Variants in CASK observed in about 807,000 individuals in gnomAD.
CASK encodes calcium/calmodulin dependent serine protein kinase.
A neutral mutation model predicts 82.9 loss-of-function variants in CASK; 4 were observed. The ratio of observed to expected loss-of-function variants is 0.05; its 90% CI spans 0.02 to 0.11. The LOEUF (loss-of-function observed/expected upper bound fraction) is 0.11. CASK is among the 10% of genes least tolerant of loss of function. CASK has a pLI of 1.00. For missense variants in CASK, 358 were observed against 720.9 expected, an observed-to-expected ratio of 0.50 and a Z score of 5.76; for synonymous variants, 259 against 253.5, an observed-to-expected ratio of 1.02 and a Z score of -0.20.
chrX:41,866,718 T>C (rs561519867), intron 1 of CASK, among the ~76,000 whole-genome samples: 19 of 111,914 alleles, frequency 1.7e-4, no homozygotes, highest in African/African-American at 5.5e-4. Context: ...GTCCAGTCTA[T>C]TTAAAATGAG....
chrX:41,570,010 CTTTTTTTTTT>C (rs397937722), intron 15 of CASK, among the ~76,000 whole-genome samples: 1 of 70,627 alleles, frequency 1.4e-5, no homozygotes, highest in East Asian at 5.1e-4. Flanking sequence ...TTTCTTTTTT[CTTTTTTTTTT>C]TTTTTTTTTT....
At chrX:41,531,739 T>C (rs1280421803) in intron 24 of CASK, among the ~76,000 whole-genome samples, 1 of 112,031 alleles carries the variant, frequency 8.9e-6, no homozygotes, top group Non-Finnish European at 1.9e-5. Flanking sequence ...GTACTGTCAT[T>C]GTCACAGAAA....
chrX:41,781,963 A>G (rs2069486520), intron 3 of CASK, among the ~76,000 whole-genome samples: 1 of 111,998 alleles, frequency 8.9e-6, no homozygotes, highest in Admixed American at 9.6e-5. Flanking sequence ...TAATAAAACA[A>G]TTCTAAATTC....
At position 41,910,221 on chromosome X, in the gene CASK, C is replaced by CA. The variant is rs770517608; in HGVS notation, c.59+12708dup. Among the ~76,000 whole-genome samples, 53 of 90,582 alleles carry CA rather than the reference C, an allele frequency of 5.9e-4. 1 individual carries two copies. Among genetic ancestry groups the CA allele is most frequent in the Admixed American group, 2.0e-3 (17 of 8,471 alleles). 78.7% of individuals were successfully genotyped at this position (90,582 alleles called of 115,157 possible). On this transcript the variant is annotated intron_variant, in intron 1 of 26. Transcript: ENST00000378163. ...TGGGTGACAGAGTGAGACTCCATCA[C>CA]AAAAAAAAAAAGTGTTTTATTTCAA...
At chrX:41,524,067 T>A in intron 25 of CASK, 33 bp from the exon 26 acceptor site, 2 of 960,613 alleles carry the variant, frequency 2.1e-6, no homozygotes, top group Non-Finnish European at 2.9e-6. Context: ...AATCCCGACT[T>A]AAAAGAAGAA....
intron 7 of CASK, among the ~76,000 whole-genome samples, chrX:41,663,373 G>A (rs2067066134): frequency 9.0e-6 from 1 of 110,914 alleles, no homozygotes; most frequent in Non-Finnish European, 1.9e-5. Context: ...GAGAGGTGAG[G>A]TTAGCCAAGT....
At chrX:41,524,804 T>C (rs2064688865) in intron 25 of CASK, 2 of 111,135 alleles carry the variant, frequency 1.8e-5, no homozygotes, top group Admixed American at 1.9e-4. Context: ...GATTACTGTT[T>C]CAGCTCCTCC....
Position 41,542,823 on chromosome X carries a change from G to A in CASK, c.2040-17C>T. 1 of 963,799 alleles carries A rather than the reference G, an allele frequency of 1.0e-6. No homozygotes were observed. The highest frequency in any genetic ancestry group is 2.6e-4 in the Middle Eastern group (1 of 3,815). 79.4% of individuals were successfully genotyped at this position (963,799 alleles called of 1,213,427 possible). A position where few individuals can be genotyped will look rare whatever the true frequency, so the allele number is the denominator to read the frequency against. On this transcript the variant is annotated splice_polypyrimidine_tract_variant and intron_variant, in intron 21 of 26. Coordinates refer to ENST00000378163, the MANE Select transcript of CASK (RefSeq NM_001367721.1). ...GCTACTCGCCTAGCACATACAAAAA[G>A]AAAAATAAAATAAAATGAATTTATA...
intron 15 of CASK, among the ~76,000 whole-genome samples, chrX:41,572,212 G>GT (rs759900583): frequency 9.1e-6 from 1 of 109,530 alleles, no homozygotes; most frequent in African/African-American, 3.3e-5. Context: ...AGCCTCCCAA[G>GT]TAGCTGGAAC....
intron 3 of CASK, among the ~76,000 whole-genome samples, chrX:41,778,672 G>A (rs1296116752): frequency 1.8e-5 from 2 of 111,303 alleles, no homozygotes; most frequent in Admixed American, 1.9e-4. Context: ...TAGACGAAAA[G>A]TTATCGGAGT....
At chrX:41,662,377 C>T (rs1168438271) in intron 7 of CASK, among the ~76,000 whole-genome samples, 1 of 111,065 alleles carries the variant, frequency 9.0e-6, no homozygotes. Context: ...TTTGCAACTG[C>T]TGGAGGTAAA....
rs144849736 is a variant in CASK at position 41,869,139 on chromosome X, T to G, written c.60-15912A>C. Reference sequence around the variant, plus strand: ...AGTAGTGAGTTCAATCACATAAAACTACTTTTGCCTGGAGGGTAATTCTCC... The same window carrying G: ...AGTAGTGAGTTCAATCACATAAAACGACTTTTGCCTGGAGGGTAATTCTCC... On this transcript the variant is annotated intron_variant, in intron 1 of 26. Transcript: ENST00000378163. Among the ~76,000 whole-genome samples, 259 of 111,679 alleles carry G rather than the reference T, an allele frequency of 2.3e-3. 1 individual carries two copies. Among genetic ancestry groups the G allele is most frequent in the African/African-American group, 7.9e-3 (243 of 30,695 alleles).
chrX:41,537,812 A>G (rs1435717401), intron 22 of CASK, among the ~76,000 whole-genome samples: 1 of 90,800 alleles, frequency 1.1e-5, no homozygotes, highest in Non-Finnish European at 2.3e-5. Context: ...ATGTGTGCCT[A>G]TTACTTTTAT....
At chrX:41,534,392 AACACACACACACAC>A (rs56349527) in intron 24 of CASK, among the ~76,000 whole-genome samples, 188 of 91,233 alleles carry the variant, frequency 2.1e-3, no homozygotes, top group African/African-American at 6.9e-3. Flanking sequence ...TTTTATTTAA[AACACACACACACAC>A]ACACACACAC....
intron 2 of CASK, among the ~76,000 whole-genome samples, chrX:41,806,522 T>C (rs1317435376): frequency 1.8e-5 from 2 of 112,314 alleles, no homozygotes; most frequent in African/African-American, 6.5e-5. Flanking sequence ...GAAGACTATA[T>C]GTTGTTCATT....
intron 5 of CASK, among the ~76,000 whole-genome samples, chrX:41,675,068 G>C (rs2067247182): frequency 9.0e-6 from 1 of 111,556 alleles, no homozygotes; most frequent in South Asian, 3.7e-4. Flanking sequence ...TTTTACATTT[G>C]TTCTTAGGTT....
Position 41,916,085 on chromosome X carries a change from G to A in CASK, c.59+6845C>T, listed in dbSNP as rs753340852. ...CCAGCTTGTTGGGAGGCTGAGGCAA[G>A]AGAATCACTTGAACCCAGGAGGCGG... On this transcript the variant is annotated intron_variant, in intron 1 of 26. Transcript: ENST00000378163. Among the ~76,000 whole-genome samples, 106 of 111,304 alleles carry A rather than the reference G, an allele frequency of 9.5e-4. 1 individual carries two copies. Among genetic ancestry groups the A allele is most frequent in the Non-Finnish European group, 1.5e-3 (79 of 53,014 alleles).
At chrX:41,734,260 G>A (rs1037348250) in intron 5 of CASK, among the ~76,000 whole-genome samples, 1 of 111,827 alleles carries the variant, frequency 8.9e-6, no homozygotes, top group African/African-American at 3.3e-5. Flanking sequence ...AATTATACAT[G>A]AGTAGGTCAG....
intron 11 of CASK, among the ~76,000 whole-genome samples, chrX:41,621,191 G>A (rs2066283532): frequency 9.1e-6 from 1 of 110,367 alleles, no homozygotes; most frequent in South Asian, 3.9e-4. Flanking sequence ...TTATTAATTT[G>A]TACGTGGTGG....
Sources: allele counts gnomAD v4.1 joint callset (sites outside exome capture counted in the v4.1 genomes callset), GRCh38; gene constraint gnomAD v4.1.1; transcripts MANE v1.5; gene names NCBI Gene and HGNC (gene_info 2026-07-23, HGNC 2026-07-21).